Variants in SPAG16 observed in about 807,000 individuals in gnomAD.
The protein encoded by SPAG16 is sperm-associated antigen 16 protein.
SPAG16 carries 86 observed loss-of-function variants against 80.4 expected under a neutral mutation model. That is an observed-to-expected ratio of 1.07 (90% CI 0.90 to 1.28). SPAG16 has a LOEUF of 1.28. Among genes scored for constraint, SPAG16 ranks in the 50% most tolerant of loss-of-function variants. The pLI, the probability that SPAG16 is intolerant of heterozygous loss-of-function variation, is 0.00. For synonymous variants in SPAG16, 294 were observed against 265.9 expected (o/e 1.11, Z -1.03); for missense variants, 870 against 765.3 (o/e 1.14, Z -1.61).
chr2:213,880,985 T>A (rs915206139), intron 11 of SPAG16, among the ~76,000 whole-genome samples: 3 of 152,168 alleles, frequency 2.0e-5, no homozygotes, highest in African/African-American at 7.2e-5. Flanking sequence ...TTTTGAATAG[T>A]TTTTTCCTAA....
At chr2:213,349,450 C>T (rs1368289424) in intron 6 of SPAG16, among the ~76,000 whole-genome samples, 2 of 152,044 alleles carry the variant, frequency 1.3e-5, no homozygotes, top group East Asian at 3.8e-4. Context: ...ACTGATATCA[C>T]CAGAGGCTGG....
At chr2:214,019,982 A>T (rs1295143260) in intron 13 of SPAG16, among the ~76,000 whole-genome samples, 1 of 152,198 alleles carries the variant, frequency 6.6e-6, no homozygotes, top group African/African-American at 2.4e-5. Flanking sequence ...GCCAAAGCTC[A>T]CTGTCTCAAG....
At chr2:213,746,771 C>T (rs1331918784) in intron 10 of SPAG16, among the ~76,000 whole-genome samples, 1 of 152,122 alleles carries the variant, frequency 6.6e-6, no homozygotes, top group East Asian at 1.9e-4. Context: ...CGCACCACTG[C>T]ACTCCAGCCT....
At chr2:213,701,122 C>T (rs2065395512) in intron 10 of SPAG16, among the ~76,000 whole-genome samples, 3 of 152,166 alleles carry the variant, frequency 2.0e-5, no homozygotes, top group Non-Finnish European at 4.4e-5. Flanking sequence ...TGCCTGTACT[C>T]CCAGCTACTC....
At chr2:213,739,247 A>G (rs1359319537) in intron 10 of SPAG16, among the ~76,000 whole-genome samples, 4 of 152,168 alleles carry the variant, frequency 2.6e-5, no homozygotes, top group Non-Finnish European at 5.9e-5. Context: ...GCCCCCTATT[A>G]CTTGTACTTC....
chr2:214,067,471 A>G (rs562649838), intron 13 of SPAG16, among the ~76,000 whole-genome samples: 91 of 152,250 alleles, frequency 6.0e-4, no homozygotes, highest in African/African-American at 2.1e-3. Context: ...TAAAGCCAAA[A>G]TATGTGGGAC....
At chr2:213,981,547 G>T (rs930432111) in intron 12 of SPAG16, among the ~76,000 whole-genome samples, 20 of 151,942 alleles carry the variant, frequency 1.3e-4, no homozygotes, top group African/African-American at 4.6e-4. Flanking sequence ...GGTTCAAAAC[G>T]TTTTTAAAGG....
At chr2:214,283,750 C>T (rs1411862931) in intron 15 of SPAG16, among the ~76,000 whole-genome samples, 1 of 152,160 alleles carries the variant, frequency 6.6e-6, no homozygotes, top group African/African-American at 2.4e-5. Flanking sequence ...GAGCAAATTG[C>T]TTTAAGTACA....
intron 10 of SPAG16, among the ~76,000 whole-genome samples, chr2:213,798,628 T>A (rs915571267): frequency 1.3e-5 from 2 of 152,188 alleles, no homozygotes; most frequent in Admixed American, 1.3e-4. Context: ...TTATCACTTG[T>A]ACTTTTAATA....
chr2:213,311,994 C>T (rs896257699), intron 4 of SPAG16, among the ~76,000 whole-genome samples: 2 of 151,450 alleles, frequency 1.3e-5, no homozygotes, highest in East Asian at 1.9e-4. Flanking sequence ...TCCTTTAAAT[C>T]GAGGGTTAGA....
intron 15 of SPAG16, among the ~76,000 whole-genome samples, chr2:214,400,174 C>G (rs1701627557): frequency 6.6e-6 from 1 of 152,004 alleles, no homozygotes; most frequent in Admixed American, 6.6e-5. Context: ...TAAAACTCCA[C>G]ACAGGCCAAA....
chr2:214,328,966 T>C (rs974989769), intron 15 of SPAG16, among the ~76,000 whole-genome samples: 1 of 152,192 alleles, frequency 6.6e-6, no homozygotes, highest in Admixed American at 6.5e-5. Context: ...AATTTTTCAT[T>C]ATATACATAA....
intron 9 of SPAG16, among the ~76,000 whole-genome samples, chr2:213,485,256 A>G (rs1463007656): frequency 1.3e-5 from 2 of 152,112 alleles, no homozygotes; most frequent in Admixed American, 1.3e-4. Flanking sequence ...GGCCTACCAA[A>G]ATGTTAGGAT....
intron 9 of SPAG16, among the ~76,000 whole-genome samples, chr2:213,416,483 C>T (rs1304661847): frequency 1.3e-5 from 2 of 151,936 alleles, no homozygotes; most frequent in East Asian, 1.9e-4. Context: ...TGGTCCTACT[C>T]TTGGTGGTGT....
chr2:213,835,137 A>G (rs996641859), intron 10 of SPAG16, among the ~76,000 whole-genome samples: 5 of 152,158 alleles, frequency 3.3e-5, no homozygotes, highest in Non-Finnish European at 7.3e-5. Context: ...AAGAAATTTT[A>G]TCAACACACA....
intron 15 of SPAG16, among the ~76,000 whole-genome samples, chr2:214,181,983 A>G (rs927846105): frequency 6.6e-6 from 1 of 151,728 alleles, no homozygotes; most frequent in Admixed American, 6.6e-5. Context: ...GTACAAACTC[A>G]TTGAGAACAG....
chr2:214,209,825 T>C (rs1000129682), intron 15 of SPAG16, among the ~76,000 whole-genome samples: 1 of 152,180 alleles, frequency 6.6e-6, no homozygotes, highest in African/African-American at 2.4e-5. Flanking sequence ...ACATAATTGA[T>C]TAATTTGTCA....
intron 14 of SPAG16, among the ~76,000 whole-genome samples, chr2:214,112,918 G>A (rs1033745466): frequency 1.3e-5 from 2 of 152,036 alleles, no homozygotes; most frequent in East Asian, 1.9e-4. Flanking sequence ...TCATATCATC[G>A]ATGGTCTTTA....
chr2:213,316,687 C>T (rs1456110176), intron 4 of SPAG16, among the ~76,000 whole-genome samples: 2 of 152,006 alleles, frequency 1.3e-5, no homozygotes, highest in Non-Finnish European at 2.9e-5. Context: ...AGGGCCATTG[C>T]ATTTACTTTT....
Sources: allele counts gnomAD v4.1 joint callset (sites outside exome capture counted in the v4.1 genomes callset), GRCh38; gene constraint gnomAD v4.1.1; transcripts MANE v1.5; gene names NCBI Gene and HGNC (gene_info 2026-07-23, HGNC 2026-07-21).